LARGE2: variants seen among roughly 807,000 people sequenced by gnomAD.
LARGE2 encodes LARGE xylosyl- and glucuronyltransferase 2, also known as xylosyl- and glucuronyltransferase LARGE2.
In LARGE2, 63 loss-of-function variants were observed where a neutral mutation model predicts 75.3. The ratio of observed to expected loss-of-function variants is 0.84; its 90% CI spans 0.68 to 1.03. LARGE2 has a LOEUF of 1.03. Among genes scored for constraint, LARGE2 ranks in the 50% least tolerant of loss-of-function variants. The pLI, the probability that LARGE2 is intolerant of heterozygous loss-of-function variation, is 0.00. For missense variants in LARGE2, 925 were observed against 980.6 expected (o/e 0.94, Z 0.76); for synonymous variants, 428 against 420.1 (o/e 1.02, Z -0.23).
chr11:45,926,736 A>G lies in LARGE2; in HGVS notation c.1190A>G (p.Asp397Gly). ...TTGCAGCAGGCCCTGGCACAACTGG[A>G]CGAGGAAGACCCCTGCTTTGAGTTC... is the stretch of plus-strand genomic sequence containing the variant. The part of the protein sequence containing the change: ...EQLQQALAQL[D>G]EEDPCFEFRQ... The change falls in exon 10 of 14, where the codon GAC (aspartate) becomes GGC (glycine). Residue 397 changes from aspartate (D) to glycine (G), a missense_variant. Around this residue, in one of 3 missense-constraint regions of LARGE2, gnomAD observed 469 missense variants for 503.8 expected, o/e 0.93. Transcript: ENST00000401752. 3.1e-6 allele frequency: 5 copies of G among 1,613,586 alleles called. No homozygotes were observed. The highest frequency in any genetic ancestry group is 4.2e-6 in the Non-Finnish European group (5 of 1,179,912).
intron 4 of LARGE2, 87 bp downstream of exon 4, chr11:45,924,364 A>C: frequency 6.3e-7 from 1 of 1,578,708 alleles, no homozygotes; most frequent in East Asian, 2.2e-5. Flanking sequence ...GAAGAGAATC[A>C]TCAGTCCCCC....
chr11:45,928,955 C>A lies in LARGE2; in HGVS notation c.*110C>A. The A allele has an allele frequency of 1.4e-6, 2 of 1,422,042 alleles. No homozygotes were observed. The highest frequency in any genetic ancestry group is 1.9e-6 in the Non-Finnish European group (2 of 1,048,360). The allele number at this position is 1,422,042 out of a possible 1,614,324, so 88.1% of individuals were successfully genotyped here. A position where few individuals can be genotyped will look rare whatever the true frequency, so the allele number is the denominator to read the frequency against. On this transcript the variant is annotated 3_prime_UTR_variant, in exon 14 of 14. Transcript: ENST00000401752. ...TTAAGGTCTCTGGGAAGGGCTGGGGCAGAGCATCTGTGGGGTGGGGTCTTC... is the reference window on the plus strand; with the variant it reads ...TTAAGGTCTCTGGGAAGGGCTGGGGAAGAGCATCTGTGGGGTGGGGTCTTC...
Position 45,928,752 on chromosome 11 carries a change from CG to C in LARGE2, c.2074del (p.Glu692AsnfsTer57). 1 of 1,614,130 alleles carries C rather than the reference CG, an allele frequency of 6.2e-7. No homozygotes were observed. The highest frequency in any genetic ancestry group is 8.5e-7 in the Non-Finnish European group (1 of 1,180,038). On this transcript the variant is annotated frameshift_variant, in exon 14 of 14. Coordinates refer to ENST00000401752, the MANE Select transcript of LARGE2 (RefSeq NM_001300721.2). LOFTEE classifies it high-confidence loss of function. ...YRDCLQALKD[E>X]FHQDLSRHHG... ...GTGACTGCCTCCAGGCCCTCAAGGA[CG>C]AATTCCACCAGGACTTGTCCCGCCA...
At chr11:45,922,399 G>A (rs2086947558), upstream of LARGE2, among the ~76,000 whole-genome samples, 1 of 152,136 alleles carries the variant, frequency 6.6e-6, no homozygotes, top group South Asian at 2.1e-4. Context: ...CCCCAGAGCG[G>A]GGGCAGGGCA....
intron 12 of LARGE2, 33 bp from the exon 13 acceptor site, chr11:45,928,144 T>C (rs2087309337): frequency 6.2e-7 from 1 of 1,612,992 alleles, no homozygotes; most frequent in African/African-American, 1.3e-5. Context: ...GCTCCTAGCC[T>C]CAGCCTGGCT....
At chr11:45,926,972 T>C in intron 10 of LARGE2, 101 bp downstream of exon 10, 3 of 1,235,786 alleles carry the variant, frequency 2.4e-6, no homozygotes, top group Non-Finnish European at 3.3e-6. Flanking sequence ...GGTAGTGAGC[T>C]ACCTGTCCCT....
chr11:45,923,209 C>A, intron 2 of LARGE2, 42 bp downstream of exon 2: 1 of 1,318,164 alleles, frequency 7.6e-7, no homozygotes. Context: ...CTGGGGGCGC[C>A]GCCCCCGAGC....
At position 45,922,997 on chromosome 11, in the gene LARGE2, G is replaced by A. The variant is rs973987559; in HGVS notation, c.115G>A (p.Gly39Ser). The A allele has an allele frequency of 2.2e-6, 3 of 1,348,646 alleles. No individual in the cohort carries two copies. The highest frequency in any genetic ancestry group is 2.8e-6 in the Non-Finnish European group (3 of 1,055,336). 83.5% of individuals were successfully genotyped at this position (1,348,646 alleles called of 1,614,324 possible). Residue 39 changes from glycine to serine, a missense_variant, in exon 2 of 14, where the codon GGC becomes AGC. Gly to Ser is a moderately conservative substitution (Grantham distance 56, BLOSUM62 0). Coordinates refer to ENST00000401752, the MANE Select transcript of LARGE2 (RefSeq NM_001300721.2). ...CCTGGGGTGTGAGCGCCGCGAGCCT[G>A]GCGGGCGAGCGGGGGCCCCGGGATG... The part of the protein sequence containing the change: ...GDLGCERREP[G>S]GRAGAPGCFP...
At chr11:45,925,922 C>T in intron 6 of LARGE2, 117 bp from the exon 7 acceptor site, 1 of 823,924 alleles carries the variant, frequency 1.2e-6, no homozygotes, top group Non-Finnish European at 1.9e-6. Context: ...AGTCCATGAT[C>T]ATGTCTGAAC....
chr11:45,924,142 C>A lies in LARGE2; in HGVS notation c.369-12C>A. The A allele has an allele frequency of 6.2e-7, 1 of 1,608,210 alleles. No individual in the cohort carries two copies. Among genetic ancestry groups the A allele is most frequent in the Non-Finnish European group, 8.5e-7 (1 of 1,179,842 alleles). On this transcript the variant is annotated splice_polypyrimidine_tract_variant and intron_variant, in intron 3 of 13. Coordinates refer to ENST00000401752, the MANE Select transcript of LARGE2 (RefSeq NM_001300721.2). ...TGGGGCCTCTCAGGCTTCCTCTTTG[C>A]CCACCCAAAAGGAAAAATCCACTGC...
Position 45,923,985 on chromosome 11 carries a change from C to CA in LARGE2, c.369-131dup, listed in dbSNP as rs60577963. On this transcript the variant is annotated intron_variant, in intron 3 of 13. Coordinates refer to ENST00000401752, the MANE Select transcript of LARGE2 (RefSeq NM_001300721.2). ...TGGGCGACAGAGCGAGACTCCGTCT[C>CA]AAAAAAAAAAAAAAAAAAAAAAAAA... 3.0e-3 allele frequency among the ~76,000 whole-genome samples: 206 copies of CA among 69,520 alleles called. 30 individuals are homozygous for CA. Among genetic ancestry groups the CA allele is most frequent in the Admixed American group, 9.5e-3 (49 of 5,134 alleles). 45.6% of individuals were successfully genotyped at this position (69,520 alleles called of 152,430 possible). A position where few individuals can be genotyped will look rare whatever the true frequency, so the allele number is the denominator to read the frequency against.
At chr11:45,927,893 C>T (rs1418489556) in intron 11 of LARGE2, 27 bp from the exon 12 acceptor site, 1 of 1,611,152 alleles carries the variant, frequency 6.2e-7, no homozygotes, top group Non-Finnish European at 8.5e-7. Context: ...CCGCTCTTCT[C>T]CCCTGCTCAT....
rs2134787695 is a variant in LARGE2, at chr11:45,929,031, GTTTGGGGCTGGTTCCCCC to G, written c.*187_*204del. On this transcript the variant is annotated 3_prime_UTR_variant, in exon 14 of 14. Coordinates refer to ENST00000401752, the MANE Select transcript of LARGE2 (RefSeq NM_001300721.2). ...GACTGGTCTCTCTCTGCCCCAGCCA[GTTTGGGGCTGGTTCCCCC>G]ATCTTGAATTGTTTATCCCTTTTTC... The G allele has an allele frequency of 4.2e-6, 3 of 708,210 alleles. No individual in the cohort carries two copies. Among genetic ancestry groups the G allele is most frequent in the African/African-American group, 3.6e-5 (2 of 55,978 alleles). 43.9% of individuals were successfully genotyped at this position (708,210 alleles called of 1,614,324 possible).
chr11:45,925,567 A>G (rs1387049157), intron 6 of LARGE2, among the ~76,000 whole-genome samples: 1 of 152,164 alleles, frequency 6.6e-6, no homozygotes, highest in East Asian at 1.9e-4. Context: ...GAGGAGGGAG[A>G]ATCACTTGAA....
rs765790962 is a variant in LARGE2, at chr11:45,926,827, C to A, written c.1281C>A (p.Pro427=). 5.0e-6 allele frequency: 8 copies of A among 1,613,196 alleles called. No homozygotes were observed. Among genetic ancestry groups the A allele is most frequent in the Non-Finnish European group, 5.1e-6 (6 of 1,180,008 alleles). Residue 427 remains proline, a synonymous_variant, in exon 10 of 14, where the codon CCC becomes CCA. Coordinates refer to ENST00000401752, the MANE Select transcript of LARGE2 (RefSeq NM_001300721.2). ...TCCTGCCCCATGAACCGCCACCCCC[C>A]CGGCCTCACGATGTCACCCTTGTGG... is the stretch of plus-strand genomic sequence containing the variant. ...VTFLPHEPPP[P]RPHDVTLVAQ...
At chr11:45,924,947 G>C in intron 6 of LARGE2, 58 bp downstream of exon 6, 5 of 1,040,100 alleles carry the variant, frequency 4.8e-6, no homozygotes, top group Non-Finnish European at 6.8e-6. Context: ...TGGGCCCCTG[G>C]GGCTGGGTGG....
Position 45,926,306 on chromosome 11 carries a change from A to G in LARGE2, c.967A>G (p.Thr323Ala). ...CVWNVQLSDH[T>A]LAERCYSEAS... ...CTGGAATGTGCAGCTGTCAGATCACACACTGGCCGAGCGCTGCTACTCTGA... is the reference window on the plus strand; with the variant it reads ...CTGGAATGTGCAGCTGTCAGATCACGCACTGGCCGAGCGCTGCTACTCTGA... Residue 323 changes from threonine (T) to alanine (A), a missense_variant, in exon 8 of 14, where the codon ACA (threonine) becomes GCA (alanine). Physicochemically the swap from Thr to Ala is moderately conservative, Grantham distance 58. Transcript: ENST00000401752. The G allele has an allele frequency of 1.9e-6, 3 of 1,614,212 alleles. No homozygotes were observed. The highest frequency in any genetic ancestry group is 2.5e-6 in the Non-Finnish European group (3 of 1,180,040).
intron 3 of LARGE2, 72 bp downstream of exon 3, chr11:45,923,627 C>A: frequency 7.5e-7 from 1 of 1,329,460 alleles, no homozygotes; most frequent in South Asian, 1.2e-5. Flanking sequence ...CTGCTGGTCT[C>A]AGAGCTTCAG....
Position 45,928,902 on chromosome 11 carries a change from C to T in LARGE2, c.*57C>T, listed in dbSNP as rs749332432. On this transcript the variant is annotated 3_prime_UTR_variant, in exon 14 of 14. Transcript: ENST00000401752. Reference sequence around the variant, plus strand: ...TTGGGCAGACACCAGGGCAACCTGCCCTCCGCCATCCCTGCTATTTAAATT... The same window carrying T: ...TTGGGCAGACACCAGGGCAACCTGCTCTCCGCCATCCCTGCTATTTAAATT... 1 of 1,596,076 alleles carries T rather than the reference C, an allele frequency of 6.3e-7. No homozygotes were observed. Among genetic ancestry groups the T allele is most frequent in the Non-Finnish European group, 8.5e-7 (1 of 1,170,954 alleles).
Sources: allele counts gnomAD v4.1 joint callset (sites outside exome capture counted in the v4.1 genomes callset), GRCh38; gene constraint gnomAD v4.1.1; regional missense constraint gnomAD v4.1.1; transcripts MANE v1.5; gene names NCBI Gene and HGNC (gene_info 2026-07-23, HGNC 2026-07-21).